The following RFC1 variants were observed in gnomAD, a reference collection of about 807,000 sequenced individuals.
RFC1 encodes the protein replication factor C subunit 1, also known as A1 140 kDa subunit.
A neutral mutation model predicts 137.4 loss-of-function variants in RFC1; 37 were observed. The ratio of observed to expected loss-of-function variants is 0.27; its 90% confidence interval spans 0.21 to 0.35. The LOEUF (loss-of-function observed/expected upper bound fraction) is 0.35. RFC1 is among the 10% of genes least tolerant of loss of function. RFC1 has a pLI of 1.00. For synonymous variants in RFC1, 429 were observed against 455.7 expected, an observed-to-expected ratio of 0.94 and a Z score of 0.75; for missense variants, 1,205 against 1,358.5, an observed-to-expected ratio of 0.89 and a Z score of 1.78.
chr4:39,310,273 G>C (rs1271649820), intron 12 of RFC1, among the ~76,000 whole-genome samples: 1 of 152,166 alleles, frequency 6.6e-6, no homozygotes, highest in African/African-American at 2.4e-5. Flanking sequence ...GACGGGAGAA[G>C]ACTAAGAAGA....
intron 4 of RFC1, among the ~76,000 whole-genome samples, chr4:39,332,632 T>A (rs1162911957): frequency 6.6e-6 from 1 of 152,216 alleles, no homozygotes; most frequent in Admixed American, 6.5e-5. Context: ...TTCCTTATAT[T>A]AAGTCAAAAT....
chr4:39,288,715 G>T lies in RFC1; in HGVS notation c.*46C>A. The T allele has an allele frequency of 3.2e-6, 4 of 1,235,406 alleles. No individual in the cohort carries two copies. Among genetic ancestry groups the T allele is most frequent in the Non-Finnish European group, 4.8e-6 (4 of 838,322 alleles). 76.5% of individuals were successfully genotyped at this position (1,235,406 alleles called of 1,614,324 possible). A position where few individuals can be genotyped will look rare whatever the true frequency, so the allele number is the denominator to read the frequency against. On this transcript the variant is annotated 3_prime_UTR_variant, in exon 25 of 25. Transcript: ENST00000349703. Reference sequence around the variant, plus strand: ...GGCTTTCTCTAGACCAGCTGGACTGGTCAGGAGGGAGAGTAAAAAGTGGCT... The same window carrying T: ...GGCTTTCTCTAGACCAGCTGGACTGTTCAGGAGGGAGAGTAAAAAGTGGCT...
intron 5 of RFC1, 106 bp downstream of exon 5, chr4:39,327,418 T>A: frequency 1.8e-6 from 1 of 570,360 alleles, no homozygotes; most frequent in South Asian, 3.7e-5. Context: ...AAAATTATTT[T>A]AATTATTAAA....
chr4:39,305,827 A>G (rs1045882542), intron 14 of RFC1, among the ~76,000 whole-genome samples: 15 of 152,204 alleles, frequency 9.9e-5, no homozygotes, highest in African/African-American at 2.7e-4. Context: ...AGTTGTGTTC[A>G]CAACTGTAGG....
chr4:39,300,357 A>G lies in RFC1; in HGVS notation c.2593T>C (p.Ser865Pro), dbSNP rs1017070617. The change falls in exon 20 of 25, where the codon TCA becomes CCA. Residue 865 changes from serine to proline, a missense_variant. By Grantham distance (74) the Ser-to-Pro change is moderately conservative. This residue lies in a region of RFC1 where 962 missense variants were observed against 1,035.3 expected (regional missense o/e 0.93). Coordinates refer to ENST00000349703, the MANE Select transcript of RFC1 (RefSeq NM_002913.5). ...AAGAGATCTGACTTGTCCACAAGTG[A>G]CATGTGAGCAGTCTCCTCTCCAGCT... ...FAAGEETAHM[S>P]LVDKSDLFFH... 4.3e-6 allele frequency: 7 copies of G among 1,614,046 alleles called. No individual in the cohort carries two copies. In the African/African-American group the frequency reaches 5.3e-5, roughly 12 times the overall value.
intron 3 of RFC1, among the ~76,000 whole-genome samples, chr4:39,344,694 A>C (rs941921005): frequency 6.6e-6 from 1 of 152,238 alleles, no homozygotes; most frequent in African/African-American, 2.4e-5. Flanking sequence ...CCAAAGCGCA[A>C]GAATCGCTTG....
intron 9 of RFC1, chr4:39,317,811 T>C (rs746107425): frequency 2.0e-5 from 3 of 152,222 alleles, no homozygotes; most frequent in Non-Finnish European, 4.4e-5. Flanking sequence ...TATTTTTAAC[T>C]TGTAAGCAAT....
At chr4:39,321,035 T>C (rs1739494644) in intron 8 of RFC1, among the ~76,000 whole-genome samples, 1 of 152,328 alleles carries the variant, frequency 6.6e-6, no homozygotes, top group East Asian at 1.9e-4. Context: ...TATTGCACTA[T>C]ACTTGGAAAT....
Position 39,288,710 on chromosome 4 carries a change from G to T in RFC1, c.*51C>A. 1.8e-6 allele frequency: 2 copies of T among 1,135,412 alleles called. No individual in the cohort carries two copies. Among genetic ancestry groups the T allele is most frequent in the South Asian group, 1.3e-5 (1 of 77,750 alleles). 70.3% of individuals were successfully genotyped at this position (1,135,412 alleles called of 1,614,324 possible). ...AACAAGGCTTTCTCTAGACCAGCTGGACTGGTCAGGAGGGAGAGTAAAAAG... is the reference window on the plus strand; with the variant it reads ...AACAAGGCTTTCTCTAGACCAGCTGTACTGGTCAGGAGGGAGAGTAAAAAG... On this transcript the variant is annotated 3_prime_UTR_variant, in exon 25 of 25. Transcript: ENST00000349703.
At chr4:39,349,772 A>C (rs1473838282) in intron 2 of RFC1, among the ~76,000 whole-genome samples, 1 of 152,230 alleles carries the variant, frequency 6.6e-6, no homozygotes, top group Non-Finnish European at 1.5e-5. Flanking sequence ...CAGGAGGCCG[A>C]GGCAGGTAGA....
Position 39,320,625 on chromosome 4 carries a change from T to C in RFC1, c.853A>G (p.Arg285Gly). The change falls in exon 9 of 25, where the codon AGG becomes GGG. Residue 285 changes from arginine to glycine, a missense_variant. Physicochemically the swap from Arg to Gly is moderately radical, Grantham distance 125 (BLOSUM62 -2). This residue lies in a region of RFC1 where 962 missense variants were observed against 1,035.3 expected (regional missense o/e 0.93). Transcript: ENST00000349703. ...VSDERKSYSP[R>G]KQSKYESSKE... ...GAACTTTCATATTTACTTTGCTTCC[T>C]AGGACTGTAGCTCTTTCTTTCATCT... The C allele has an allele frequency of 6.2e-7, 1 of 1,604,742 alleles. No homozygotes were observed. Among genetic ancestry groups the C allele is most frequent in the South Asian group, 1.1e-5 (1 of 88,196 alleles).
At chr4:39,296,419 C>T (rs1441614335) in intron 21 of RFC1, among the ~76,000 whole-genome samples, 25 of 101,060 alleles carry the variant, frequency 2.5e-4, no homozygotes, top group African/African-American at 8.5e-4. Flanking sequence ...CACCCCACCA[C>T]AGTCCCCAGA....
At chr4:39,319,331 G>C (rs530103683) in intron 9 of RFC1, among the ~76,000 whole-genome samples, 1 of 152,302 alleles carries the variant, frequency 6.6e-6, no homozygotes, top group South Asian at 2.1e-4. Context: ...TACTGCTTCA[G>C]AGGACCTGAG....
chr4:39,338,977 C>T (rs548805974), intron 4 of RFC1, among the ~76,000 whole-genome samples: 1 of 152,082 alleles, frequency 6.6e-6, no homozygotes, highest in African/African-American at 2.4e-5. Flanking sequence ...TTTAAGAGTC[C>T]GCATTATAAG....
chr4:39,306,362 GGTAA>G (rs777913139), intron 14 of RFC1, among the ~76,000 whole-genome samples: 5 of 152,100 alleles, frequency 3.3e-5, no homozygotes, highest in African/African-American at 7.2e-5. Context: ...CTCGCTCGTT[GGTAA>G]GTATTGCTTA....
chr4:39,312,867 C>T lies in RFC1; in HGVS notation c.1268G>A (p.Arg423Gln). Residue 423 changes from arginine to glutamine, a missense_variant, in exon 11 of 25, where the codon CGA (arginine) becomes CAA (glutamine). Coordinates refer to ENST00000349703, the MANE Select transcript of RFC1 (RefSeq NM_002913.5). ...VITGVLESIE[R>Q]DEAKSLIERY... is the part of the protein sequence containing the mutation. ...TTCAATTAGAGACTTGGCCTCATCT[C>T]GTTCAATAGACTCCAGCACGCCTGT... 4 of 1,614,062 alleles carry T rather than the reference C, an allele frequency of 2.5e-6. No individual in the cohort carries two copies. Among genetic ancestry groups the T allele is most frequent in the Non-Finnish European group, 3.4e-6 (4 of 1,180,000 alleles).
chr4:39,332,569 T>C (rs1241486306), intron 4 of RFC1, among the ~76,000 whole-genome samples: 1 of 152,216 alleles, frequency 6.6e-6, no homozygotes, highest in African/African-American at 2.4e-5. Flanking sequence ...GCAATGTTAA[T>C]TCACCTTCTT....
At chr4:39,299,048 G>C (rs141028014) in intron 21 of RFC1, among the ~76,000 whole-genome samples, 1,598 of 152,274 alleles carry the variant, frequency 0.01, 11 homozygotes, top group Middle Eastern at 0.02. Flanking sequence ...ACGGGAATGA[G>C]GGCAAGGAAC....
At position 39,320,662 on chromosome 4, in the gene RFC1, T is replaced by G; in HGVS notation, c.816A>C (p.Thr272=). The G allele has an allele frequency of 1.3e-6, 2 of 1,571,110 alleles. No homozygotes were observed. Among genetic ancestry groups the G allele is most frequent in the Non-Finnish European group, 1.7e-6 (2 of 1,166,104 alleles). ...TCTTTCTTTCATCTGAAACTTGTGC[T>G]GTTTTTACTAGGAAGAAAGAAAAGA... is the stretch of plus-strand genomic sequence containing the variant. The part of the protein sequence containing the change: ...EKHKYPHKVK[T]AQVSDERKSY... The change falls in exon 9 of 25, where the codon ACA becomes ACC. Residue 272 remains threonine (T), a synonymous_variant. Transcript: ENST00000349703.
Sources: gnomAD v4.1 joint callset for allele counts (sites outside exome capture counted in the v4.1 genomes callset) on GRCh38, gnomAD v4.1.1 for gene constraint, gnomAD v4.1.1 regional missense constraint, MANE v1.5 for transcripts, NCBI Gene and HGNC (gene_info 2026-07-23, HGNC 2026-07-21) for gene names.